PAQR5: variants seen among roughly 807,000 people sequenced by gnomAD.
PAQR5 encodes progestin and adipoQ receptor family member 5.
A neutral mutation model predicts 34.5 loss-of-function variants in PAQR5; 20 were observed. The observed-to-expected ratio is 0.58, with a 90% CI of 0.41 to 0.84. PAQR5 has a LOEUF of 0.84. Among genes scored for constraint, PAQR5 ranks in the 40% least tolerant of loss-of-function variants. The pLI is 0.00. For synonymous variants in PAQR5, 131 were observed against 155.6 expected (o/e 0.84, Z 1.18); for missense variants, 378 against 412.7 (o/e 0.92, Z 0.73).
Position 69,397,479 on chromosome 15 carries a change from T to A in PAQR5, c.524T>A (p.Ile175Asn). 1 of 1,613,076 alleles carries A rather than the reference T, an allele frequency of 6.2e-7. No individual in the cohort carries two copies. The highest frequency in any genetic ancestry group is 8.5e-7 in the Non-Finnish European group (1 of 1,178,972). ...CTTCCCTGATTTAGGTTTCTTGAAA[T>A]CCAGAAGCCCAGACTCTGTAAGGTG... ...GLSCYSRFLE[I>N]QKPRLCKVIR... The change falls in exon 7 of 9, where the codon ATC (isoleucine) becomes AAC (asparagine). Residue 175 changes from isoleucine (I) to asparagine (N), a missense_variant. Transcript: ENST00000395407.
intron 4 of PAQR5, among the ~76,000 whole-genome samples, chr15:69,384,060 C>T (rs2056020298): frequency 9.7e-6 from 1 of 103,062 alleles, no homozygotes; most frequent in Non-Finnish European, 1.9e-5. Flanking sequence ...GAGTGGGCCT[C>T]TGTGCTCATG....
chr15:69,402,769 C>T (rs903952956), intron 8 of PAQR5, among the ~76,000 whole-genome samples: 1 of 152,244 alleles, frequency 6.6e-6, no homozygotes, highest in Non-Finnish European at 1.5e-5. Context: ...TCAGGGACAT[C>T]ATTCAGCCCA....
chr15:69,384,787 T>C lies in PAQR5; in HGVS notation c.290T>C (p.Val97Ala), dbSNP rs777287055. ...YMCTSCVYPL[V>A]SSCAHTFSSM... ...TGCACCAGCTGCGTGTACCCACTTG[T>C]GTCCAGCTGTGCGCACACCTTCAGC... The change falls in exon 5 of 9, where the codon GTG (valine) becomes GCG (alanine). Residue 97 changes from valine to alanine, a missense_variant. Val to Ala is a moderately conservative substitution (Grantham distance 64). Coordinates refer to ENST00000395407, the MANE Select transcript of PAQR5 (RefSeq NM_017705.4). 3 of 1,613,942 alleles carry C rather than the reference T, an allele frequency of 1.9e-6. No individual in the cohort carries two copies. In the South Asian group the frequency reaches 3.3e-5, roughly 18 times the overall value.
At chr15:69,339,820 A>G (rs2054598483) in intron 2 of PAQR5, among the ~76,000 whole-genome samples, 1 of 151,874 alleles carries the variant, frequency 6.6e-6, no homozygotes, top group Non-Finnish European at 1.5e-5. Flanking sequence ...CTCTAGGTGG[A>G]AAAAAATCCA....
intron 1 of PAQR5, among the ~76,000 whole-genome samples, chr15:69,306,355 A>G (rs2140523541): frequency 6.7e-6 from 1 of 148,184 alleles, no homozygotes; most frequent in Admixed American, 6.7e-5. Flanking sequence ...TTTTTTTACC[A>G]TTTAACCTTT....
At chr15:69,328,059 G>T (rs577745989) in intron 1 of PAQR5, among the ~76,000 whole-genome samples, 1 of 152,156 alleles carries the variant, frequency 6.6e-6, no homozygotes, top group South Asian at 2.1e-4. Context: ...GGGATTACAG[G>T]TGTGAGCCAC....
intron 8 of PAQR5, among the ~76,000 whole-genome samples, chr15:69,401,657 G>A (rs574410557): frequency 6.6e-6 from 1 of 152,320 alleles, no homozygotes; most frequent in South Asian, 2.1e-4. Flanking sequence ...GGGGTACAGA[G>A]CTGAAAAACA....
chr15:69,366,180 A>G (rs2055398047), intron 3 of PAQR5, among the ~76,000 whole-genome samples: 1 of 152,182 alleles, frequency 6.6e-6, no homozygotes, highest in South Asian at 2.1e-4. Context: ...CCTATTGTGG[A>G]TATCTCCCAC....
In PAQR5 at chr15:69,322,811, G is replaced by GAAGAA. The variant is rs1566998179; in HGVS notation, c.-276-14530_-276-14529insAAGAA. On this transcript the variant is annotated intron_variant, in intron 1 of 8. Transcript: ENST00000395407. ...ACGAGGAAGAAGAAGAAGAGGAAGA[G>GAAGAA]GAAGAAGAAGAAGAAGAAGAAGAAG... Among the ~76,000 whole-genome samples the GAAGAA allele has an allele frequency of 1.3e-3, 32 of 25,368 alleles. 11 individuals carry two copies. Among genetic ancestry groups the GAAGAA allele is most frequent in the African/African-American group, 2.6e-3 (28 of 10,836 alleles). 16.6% of individuals were successfully genotyped at this position (25,368 alleles called of 152,430 possible). A position where few individuals can be genotyped will look rare whatever the true frequency, so the allele number is the denominator to read the frequency against.
chr15:69,342,035 G>A (rs1186649966), intron 2 of PAQR5, among the ~76,000 whole-genome samples: 1 of 151,986 alleles, frequency 6.6e-6, no homozygotes, highest in African/African-American at 2.4e-5. Context: ...TTGAGAAACT[G>A]TCATACTGTT....
chr15:69,328,416 A>C (rs2054301600), intron 1 of PAQR5, among the ~76,000 whole-genome samples: 1 of 152,230 alleles, frequency 6.6e-6, no homozygotes, highest in Non-Finnish European at 1.5e-5. Flanking sequence ...GTGACCCTGA[A>C]GTCTGGTCTC....
chr15:69,382,712 A>ATATG (rs2055931589), intron 4 of PAQR5: 1 of 131,398 alleles, frequency 7.6e-6, no homozygotes, highest in African/African-American at 2.9e-5. Flanking sequence ...ATATGTATGT[A>ATATG]TGTATATATG....
At chr15:69,376,827 C>T (rs2055719251) in intron 3 of PAQR5, among the ~76,000 whole-genome samples, 1 of 152,158 alleles carries the variant, frequency 6.6e-6, no homozygotes, top group Admixed American at 6.5e-5. Flanking sequence ...CCTTCTGTTC[C>T]CCGCTGGCTT....
chr15:69,391,899 A>C, intron 6 of PAQR5: 1 of 382,454 alleles, frequency 2.6e-6, no homozygotes, highest in South Asian at 1.9e-5. Context: ...TCCACTAAAA[A>C]TACGAAAGTT....
chr15:69,382,112 TGGA>T (rs1455657358), intron 4 of PAQR5, among the ~76,000 whole-genome samples: 1 of 152,102 alleles, frequency 6.6e-6, no homozygotes, highest in Admixed American at 6.5e-5. Flanking sequence ...AGGAACAGTG[TGGA>T]GGAGGAGGGA....
intron 2 of PAQR5, among the ~76,000 whole-genome samples, chr15:69,358,058 T>C (rs982345438): frequency 2.0e-5 from 3 of 152,124 alleles, no homozygotes; most frequent in Non-Finnish European, 4.4e-5. Flanking sequence ...CTCTGACTGA[T>C]GAGGACTATG....
At chr15:69,371,430 T>C (rs1323105236) in intron 3 of PAQR5, among the ~76,000 whole-genome samples, 6 of 152,156 alleles carry the variant, frequency 3.9e-5, no homozygotes, top group Non-Finnish European at 7.4e-5. Context: ...TAGATTACCA[T>C]CTCATCGTGC....
intron 6 of PAQR5, chr15:69,397,018 GA>G (rs1247209057): frequency 5.5e-6 from 2 of 364,532 alleles, no homozygotes; most frequent in Non-Finnish European, 1.1e-5. Context: ...TCTCCTGCAT[GA>G]TAATACCTGG....
intron 1 of PAQR5, among the ~76,000 whole-genome samples, chr15:69,312,507 A>T (rs1228782607): frequency 2.6e-5 from 4 of 151,704 alleles, no homozygotes; most frequent in Non-Finnish European, 5.9e-5. Flanking sequence ...CAACCCTGGC[A>T]AAAGTCATCC....
Sources: gnomAD v4.1 joint callset for allele counts (sites outside exome capture counted in the v4.1 genomes callset) on GRCh38, gnomAD v4.1.1 for gene constraint, MANE v1.5 for transcripts, NCBI Gene and HGNC (gene_info 2026-07-23, HGNC 2026-07-21) for gene names.